Variants in TP53BP1 observed in about 807,000 individuals in gnomAD.
TP53BP1 encodes tumor protein p53 binding protein 1.
TP53BP1 carries 61 observed loss-of-function variants against 200.8 expected under a neutral mutation model. The observed-to-expected ratio is 0.30, with a 90% CI of 0.25 to 0.38. TP53BP1 has a LOEUF of 0.38. Among genes scored for constraint, TP53BP1 ranks in the 10% least tolerant of loss-of-function variants. The probability of loss-of-function intolerance (pLI) is 1.00; values close to 1 mark genes in which losing one functional copy is unlikely to be tolerated. For missense variants in TP53BP1, 2,144 were observed against 2,371.9 expected (o/e 0.90, Z 2.00); for synonymous variants, 822 against 844.3 (o/e 0.97, Z 0.46).
chr15:43,485,056 C>T (rs984350230), intron 4 of TP53BP1, among the ~76,000 whole-genome samples: 3 of 152,146 alleles, frequency 2.0e-5, no homozygotes, highest in African/African-American at 7.2e-5. Flanking sequence ...TCCCTAGACA[C>T]CCTATGTAAA....
intron 1 of TP53BP1, 96 bp downstream of exon 1, chr15:43,492,941 T>C (rs1239689152): frequency 2.6e-6 from 2 of 761,850 alleles, no homozygotes; most frequent in South Asian, 1.5e-5. Flanking sequence ...ACCGCCGCCA[T>C]GCTTGCCACC....
Position 43,409,052 on chromosome 15 carries a change from A to G in TP53BP1, c.5445T>C (p.Cys1815=). ...GGCACAGGAAGTACTTCCGGGTTCG[A>G]CAATGCTGATCCGCAATTAGAAGAC... ...YQCLLIADQH[C]RTRKYFLCLA... Residue 1815 remains cysteine (C), a synonymous_variant, in exon 26 of 28, where the codon TGT becomes TGC. Coordinates refer to ENST00000382044, the MANE Select transcript of TP53BP1 (RefSeq NM_001141980.3). The G allele has an allele frequency of 6.2e-7, 1 of 1,614,250 alleles. No homozygotes were observed. The highest frequency in any genetic ancestry group is 1.1e-5 in the South Asian group (1 of 91,086).
intron 15 of TP53BP1, 53 bp downstream of exon 15, chr15:43,441,473 C>A: frequency 8.6e-7 from 1 of 1,169,424 alleles, no homozygotes; most frequent in South Asian, 1.2e-5. Flanking sequence ...ACCATCTACC[C>A]TCATCACCAG....
At position 43,492,306 on chromosome 15, in the gene TP53BP1, G is replaced by A. The variant is rs900018235; in HGVS notation, c.170C>T (p.Thr57Met). 3 of 1,613,798 alleles carry A rather than the reference G, an allele frequency of 1.9e-6. No individual in the cohort carries two copies. The highest frequency in any genetic ancestry group is 1.3e-5 in the African/African-American group (1 of 74,850). ...CACCAACACAGGATTTTCTTTGTGC[G>A]TCTGGAGATTAGGAAGGTGTCGAGA... is the stretch of plus-strand genomic sequence containing the variant. ...MLSRHLPNLQ[T>M]HKENPVLDVV... is the part of the protein sequence containing the mutation. Residue 57 changes from threonine to methionine, a missense_variant, in exon 2 of 28, where the codon ACG (threonine) becomes ATG (methionine). Thr to Met is a moderately conservative substitution (Grantham distance 81). This residue lies in a region of TP53BP1 where 1,700 missense variants were observed against 1,710.3 expected (regional missense o/e 0.99). Coordinates refer to ENST00000382044, the MANE Select transcript of TP53BP1 (RefSeq NM_001141980.3).
At chr15:43,436,032 C>T (rs554728820) in intron 16 of TP53BP1, among the ~76,000 whole-genome samples, 13 of 151,890 alleles carry the variant, frequency 8.6e-5, no homozygotes, top group African/African-American at 2.9e-4. Context: ...GGCTTTGTCG[C>T]CCAGGCTGGA....
chr15:43,481,127 G>T, intron 4 of TP53BP1, 105 bp from the exon 5 acceptor site: 2 of 1,362,652 alleles, frequency 1.5e-6, no homozygotes, highest in Non-Finnish European at 2.0e-6. Context: ...AGCCAAACTT[G>T]AAAAAGTAAA....
At chr15:43,426,759 T>C (rs1193058860) in intron 18 of TP53BP1, among the ~76,000 whole-genome samples, 1 of 150,220 alleles carries the variant, frequency 6.7e-6, no homozygotes, top group Non-Finnish European at 1.5e-5. Context: ...ACACCTCCAA[T>C]CCCAGCACTT....
chr15:43,504,197 G>A (rs761829313), intron 1 of TP53BP1, among the ~76,000 whole-genome samples: 3 of 152,260 alleles, frequency 2.0e-5, no homozygotes, highest in Middle Eastern at 3.4e-3. Flanking sequence ...AAGCTGGAGC[G>A]CACTGGCACG....
chr15:43,423,611 T>C (rs1267640116), intron 18 of TP53BP1, among the ~76,000 whole-genome samples: 4 of 151,326 alleles, frequency 2.6e-5, no homozygotes, highest in East Asian at 2.0e-4. Flanking sequence ...TGAGCTAAGA[T>C]TGTGCCACTG....
Position 43,413,231 on chromosome 15 carries a change from C to A in TP53BP1, c.5193G>T (p.Lys1731Asn), listed in dbSNP as rs752678808. The change falls in exon 24 of 28, where the codon AAG becomes AAT. Residue 1731 changes from lysine (K) to asparagine (N), a missense_variant. Lys to Asn is a moderately conservative substitution (Grantham distance 94). This residue lies in a region of TP53BP1 where 334 missense variants were observed against 453.4 expected (regional missense o/e 0.74). Coordinates refer to ENST00000382044, the MANE Select transcript of TP53BP1 (RefSeq NM_001141980.3). The part of the protein sequence containing the change: ...EEQRGPLPLN[K>N]TLFLGYAFLL... ...GAAATGCGTAGCCCAGAAACAAGGT[C>A]TTGTTGAGAGGCAAAGGCCCTCTCT... The A allele has an allele frequency of 1.1e-5, 18 of 1,614,080 alleles. No homozygotes were observed. Among genetic ancestry groups the A allele is most frequent in the Non-Finnish European group, 1.4e-5 (17 of 1,180,046 alleles).
chr15:43,482,307 C>T (rs1004169197), intron 4 of TP53BP1, among the ~76,000 whole-genome samples: 13 of 152,152 alleles, frequency 8.5e-5, no homozygotes, highest in African/African-American at 3.1e-4. Flanking sequence ...TACATAATTT[C>T]ACAATCTATT....
intron 8 of TP53BP1, among the ~76,000 whole-genome samples, chr15:43,477,278 T>TG (rs2078897866): frequency 6.9e-6 from 1 of 143,964 alleles, no homozygotes; most frequent in African/African-American, 2.7e-5. Context: ...CCAGCCTGGG[T>TG]GACAGAGTGA....
chr15:43,448,632 C>T (rs1277114343), intron 12 of TP53BP1, among the ~76,000 whole-genome samples: 2 of 151,894 alleles, frequency 1.3e-5, no homozygotes, highest in Admixed American at 6.6e-5. Context: ...CTCCGCCTCC[C>T]GGGTTCATGC....
chr15:43,464,678 C>T (rs998694116), intron 11 of TP53BP1, among the ~76,000 whole-genome samples: 12 of 151,766 alleles, frequency 7.9e-5, no homozygotes, highest in African/African-American at 2.9e-4. Context: ...CCGAGACAGG[C>T]GGATCACCTG....
chr15:43,408,699 C>T, intron 26 of TP53BP1, 198 bp downstream of exon 26: 1 of 585,002 alleles, frequency 1.7e-6, no homozygotes. Context: ...AATCTTCACA[C>T]ATTTGCAAAA....
intron 12 of TP53BP1, among the ~76,000 whole-genome samples, chr15:43,451,679 T>C (rs1433065975): frequency 1.3e-5 from 2 of 152,214 alleles, no homozygotes; most frequent in African/African-American, 2.4e-5. Context: ...GCATGATTTA[T>C]AGTCCTTTGG....
intron 7 of TP53BP1, among the ~76,000 whole-genome samples, chr15:43,478,860 A>G (rs898939222): frequency 6.6e-6 from 1 of 152,204 alleles, no homozygotes; most frequent in Non-Finnish European, 1.5e-5. Context: ...AAAGATCACA[A>G]AGGAGGAGTG....
chr15:43,427,914 G>A lies in TP53BP1; in HGVS notation c.3828+102C>T, dbSNP rs563201329. 129 of 802,544 alleles carry A rather than the reference G, an allele frequency of 1.6e-4. No homozygotes were observed. The African/African-American group carries it at 2.0e-3, about 13-fold the overall frequency. The allele number at this position is 802,544 out of a possible 1,614,324, so 49.7% of individuals were successfully genotyped here. ...AGAGGCTGCAGTGAAACAAAATCAC[G>A]CAACTGCATTCCAGCCTAGGTAACA... is the stretch of plus-strand genomic sequence containing the variant. On this transcript the variant is annotated intron_variant, in intron 18 of 27. Transcript: ENST00000382044.
upstream of TP53BP1, chr15:43,493,198 G>A (rs1020680902): frequency 5.5e-6 from 8 of 1,458,722 alleles, no homozygotes; most frequent in Non-Finnish European, 7.2e-6. Flanking sequence ...TCGTCCATTC[G>A]CTGCCGCCGC....
Sources: allele counts gnomAD v4.1 joint callset (sites outside exome capture counted in the v4.1 genomes callset), GRCh38; gene constraint gnomAD v4.1.1; regional missense constraint gnomAD v4.1.1; transcripts MANE v1.5; gene names NCBI Gene and HGNC (gene_info 2026-07-23, HGNC 2026-07-21).